SH3BGRL: variants seen among roughly 807,000 people sequenced by gnomAD.
SH3BGRL encodes the protein SH3 domain binding glutamate rich protein like.
A neutral mutation model predicts 9.8 loss-of-function variants in SH3BGRL; 7 were observed. That is an observed-to-expected ratio of 0.72 (90% confidence interval 0.41 to 1.35). The LOEUF is 1.35. Ranked by LOEUF, SH3BGRL falls within the 40% of genes most tolerant of loss-of-function variation. The pLI is 0.01. For missense variants in SH3BGRL, 73 were observed against 84.4 expected, an observed-to-expected ratio of 0.86 and a Z score of 0.53; for synonymous variants, 36 against 29.1, an observed-to-expected ratio of 1.24 and a Z score of -0.76.
intron 1 of SH3BGRL, among the ~76,000 whole-genome samples, chrX:81,211,528 A>G (rs1449482151): frequency 1.8e-5 from 2 of 110,504 alleles, no homozygotes; most frequent in Non-Finnish European, 3.8e-5. Flanking sequence ...CGGAGCTTGC[A>G]GTGATCCGAG....
At chrX:81,222,414 C>T (rs914116880) in intron 1 of SH3BGRL, among the ~76,000 whole-genome samples, 9 of 101,755 alleles carry the variant, frequency 8.8e-5, no homozygotes, top group Admixed American at 3.4e-4. Context: ...TGAGTGAGAA[C>T]ATGCGGTGTT....
At chrX:81,267,545 C>G (rs1023288963) in intron 1 of SH3BGRL, among the ~76,000 whole-genome samples, 1 of 111,637 alleles carries the variant, frequency 9.0e-6, no homozygotes, top group Non-Finnish European at 1.9e-5. Flanking sequence ...CCTTGCCTCC[C>G]AGGGATGAAG....
intron 1 of SH3BGRL, among the ~76,000 whole-genome samples, chrX:81,219,629 T>C (rs1406342005): frequency 8.9e-6 from 1 of 111,913 alleles, no homozygotes; most frequent in African/African-American, 3.2e-5. Context: ...TCTTGTCTGA[T>C]TGCTCTAGCT....
intron 1 of SH3BGRL, among the ~76,000 whole-genome samples, chrX:81,223,857 A>C (rs963977547): frequency 6.3e-5 from 7 of 111,024 alleles, no homozygotes; most frequent in Admixed American, 4.8e-4. Context: ...ATTAAAAAAA[A>C]CTTTTTTTTG....
intron 2 of SH3BGRL, among the ~76,000 whole-genome samples, chrX:81,277,623 G>C (rs988335843): frequency 8.9e-6 from 1 of 111,922 alleles, no homozygotes; most frequent in African/African-American, 3.3e-5. Context: ...TGTAGGCTCT[G>C]AGAAAATCTC....
intron 1 of SH3BGRL, among the ~76,000 whole-genome samples, chrX:81,245,291 CA>C (rs1310936554): frequency 8.9e-6 from 1 of 111,795 alleles, no homozygotes; most frequent in Non-Finnish European, 1.9e-5. Context: ...GGCACACAAA[CA>C]TAAATCAGAT....
intron 1 of SH3BGRL, among the ~76,000 whole-genome samples, chrX:81,254,100 T>C (rs780195163): frequency 1.6e-3 from 181 of 112,171 alleles, no homozygotes; most frequent in African/African-American, 5.8e-3. Context: ...CCACCATTCT[T>C]GACAGTAGTT....
At chrX:81,293,554 G>A (rs1342002047) in intron 3 of SH3BGRL, among the ~76,000 whole-genome samples, 1 of 111,874 alleles carries the variant, frequency 8.9e-6, no homozygotes, top group Non-Finnish European at 1.9e-5. Context: ...ATGGTGGCAT[G>A]TGCCTGTAGT....
intron 1 of SH3BGRL, among the ~76,000 whole-genome samples, chrX:81,210,065 C>T (rs1395319351): frequency 9.0e-6 from 1 of 111,270 alleles, no homozygotes; most frequent in Admixed American, 9.5e-5. Context: ...TGATTTCTGT[C>T]CCTTTGGCTT....
At chrX:81,265,199 G>GTT (rs372356022) in intron 1 of SH3BGRL, among the ~76,000 whole-genome samples, 9 of 97,455 alleles carry the variant, frequency 9.2e-5, no homozygotes, top group Admixed American at 2.3e-4. Context: ...ACAGAGTAGA[G>GTT]TTTTTTTTTT....
At position 81,205,522 on chromosome X, in the gene SH3BGRL, A is replaced by G. The variant is rs1027097638; in HGVS notation, c.45+3277A>G. Reference sequence around the variant, plus strand: ...TGTGTGTGTATATATATATATATATATATATATATCACATTTCCTTTATTC... The same window carrying G: ...TGTGTGTGTATATATATATATATATGTATATATATCACATTTCCTTTATTC... On this transcript the variant is annotated intron_variant, in intron 1 of 3. Coordinates refer to ENST00000373212, the MANE Select transcript of SH3BGRL (RefSeq NM_003022.3). Among the ~76,000 whole-genome samples the G allele has an allele frequency of 2.9e-5, 3 of 105,023 alleles. No homozygotes were observed. The South Asian group carries it at 1.3e-3, about 44-fold the overall frequency. 91.2% of individuals were successfully genotyped at this position (105,023 alleles called of 115,157 possible).
intron 1 of SH3BGRL, among the ~76,000 whole-genome samples, chrX:81,243,256 CATTAT>C (rs1480877971): frequency 8.9e-6 from 1 of 111,973 alleles, no homozygotes; most frequent in African/African-American, 3.2e-5. Flanking sequence ...AACTGGAGAT[CATTAT>C]ATTAAGTGAA....
chrX:81,237,650 A>G (rs2075652617), intron 1 of SH3BGRL, among the ~76,000 whole-genome samples: 1 of 110,626 alleles, frequency 9.0e-6, no homozygotes, highest in Non-Finnish European at 1.9e-5. Context: ...TAAACTTGAA[A>G]GGCAGGCTAG....
chrX:81,271,975 A>G (rs1420373284), intron 1 of SH3BGRL, among the ~76,000 whole-genome samples: 1 of 110,514 alleles, frequency 9.0e-6, no homozygotes, highest in African/African-American at 3.3e-5. Context: ...TGGGCGGATC[A>G]TGAGGTCAGG....
intron 1 of SH3BGRL, among the ~76,000 whole-genome samples, chrX:81,254,701 C>G (rs962229623): frequency 9.0e-6 from 1 of 111,281 alleles, no homozygotes; most frequent in Non-Finnish European, 1.9e-5. Context: ...CAGTTATTTT[C>G]CCAGACCAGC....
chrX:81,279,332 A>AGAG (rs2075808366), intron 3 of SH3BGRL, among the ~76,000 whole-genome samples: 2 of 111,722 alleles, frequency 1.8e-5, no homozygotes, highest in African/African-American at 6.5e-5. Flanking sequence ...TAAATAAGAT[A>AGAG]GAGTACTAGA....
chrX:81,205,487 T>C (rs2075544173), intron 1 of SH3BGRL, among the ~76,000 whole-genome samples: 1 of 84,215 alleles, frequency 1.2e-5, no homozygotes, highest in Non-Finnish European at 2.3e-5. Flanking sequence ...TGTATATATA[T>C]GTGTGTGTGT....
Position 81,238,285 on chromosome X carries a change from G to T in SH3BGRL, c.45+36040G>T, listed in dbSNP as rs532994013. ...CACTGCCCTGAAGGGTGAGTCTCAG[G>T]CCAGGCAACATTAACTACAAGCCGA... On this transcript the variant is annotated intron_variant, in intron 1 of 3. Coordinates refer to ENST00000373212, the MANE Select transcript of SH3BGRL (RefSeq NM_003022.3). 6.1e-4 allele frequency among the ~76,000 whole-genome samples: 68 copies of T among 111,686 alleles called. 2 individuals carry two copies. The South Asian group carries it at 0.021, about 34-fold the overall frequency.
At chrX:81,235,313 T>A (rs1450003928) in intron 1 of SH3BGRL, among the ~76,000 whole-genome samples, 1 of 110,883 alleles carries the variant, frequency 9.0e-6, no homozygotes, top group Non-Finnish European at 1.9e-5. Context: ...AGTTGCTTTT[T>A]TCTTTTAGGA....
Sources: gnomAD v4.1 joint callset for allele counts (sites outside exome capture counted in the v4.1 genomes callset) on GRCh38, gnomAD v4.1.1 for gene constraint, MANE v1.5 for transcripts, NCBI Gene and HGNC (gene_info 2026-07-23, HGNC 2026-07-21) for gene names.